Variants in NAV3 observed in about 807,000 individuals in gnomAD.
The protein encoded by NAV3 is neuron navigator 3.
Under a neutral mutation model 244.7 loss-of-function variants are expected in NAV3, and 87 were observed. That is an observed-to-expected ratio of 0.36 (90% CI 0.30 to 0.42). The LOEUF is 0.42. NAV3 is among the 20% of genes least tolerant of loss of function. The pLI is 1.00. For synonymous variants in NAV3, 1,126 were observed against 1,042.2 expected (o/e 1.08, Z -1.55); for missense variants, 2,663 against 2,893.3 (o/e 0.92, Z 1.83).
At chr12:77,666,140 A>C (rs1251218742) in intron 2 of NAV3, among the ~76,000 whole-genome samples, 1 of 150,186 alleles carries the variant, frequency 6.7e-6, no homozygotes, top group Non-Finnish European at 1.5e-5. Flanking sequence ...ATACTCATGT[A>C]GACATACCCT....
intron 1 of NAV3, among the ~76,000 whole-genome samples, chr12:77,880,793 A>G (rs1382714423): frequency 6.6e-6 from 1 of 152,144 alleles, no homozygotes; most frequent in Non-Finnish European, 1.5e-5. Context: ...CATAAGAACG[A>G]TAGCACATGT....
chr12:77,939,912 A>G (rs1009381836), intron 1 of NAV3, among the ~76,000 whole-genome samples: 1 of 152,208 alleles, frequency 6.6e-6, no homozygotes, highest in Non-Finnish European at 1.5e-5. Flanking sequence ...TCTCAGAGAA[A>G]CACAATTTTT....
At chr12:78,206,814 T>TA (rs973514453) in intron 39 of NAV3, among the ~76,000 whole-genome samples, 11 of 150,662 alleles carry the variant, frequency 7.3e-5, no homozygotes, top group African/African-American at 2.2e-4. Flanking sequence ...TCTCTGGTTT[T>TA]AAAAAAATAA....
Position 78,175,340 on chromosome 12 carries a change from T to C in NAV3, c.5016T>C (p.Ser1672=), listed in dbSNP as rs2139648288. Residue 1672 remains serine (S), a synonymous_variant, in exon 25 of 40, where the codon AGT becomes AGC. Coordinates refer to ENST00000397909, the MANE Select transcript of NAV3 (RefSeq NM_001024383.2). ...LRIRRQHSSE[S]VSSINSATSH... ...TCAGAAGACAGCATTCCTCTGAAAG[T>C]GTTTCTAGTATCAACAGTGCCACAA... 1 of 1,611,614 alleles carries C rather than the reference T, an allele frequency of 6.2e-7. No individual in the cohort carries two copies. The highest frequency in any genetic ancestry group is 8.5e-7 in the Non-Finnish European group (1 of 1,178,338).
At chr12:77,954,950 G>A (rs901770228) in intron 3 of NAV3, among the ~76,000 whole-genome samples, 1 of 152,018 alleles carries the variant, frequency 6.6e-6, no homozygotes. Flanking sequence ...TAAAGCACAC[G>A]TTTAGATCTC....
At chr12:78,110,511 C>T (rs300428) in intron 12 of NAV3, among the ~76,000 whole-genome samples, 1 of 151,932 alleles carries the variant, frequency 6.6e-6, no homozygotes, top group African/African-American at 2.4e-5. Context: ...CTGGTCCTGA[C>T]TTAATCACTA....
intron 2 of NAV3, among the ~76,000 whole-genome samples, chr12:77,732,642 A>G (rs1047607596): frequency 2.0e-5 from 3 of 152,088 alleles, no homozygotes; most frequent in Admixed American, 6.6e-5. Flanking sequence ...TGCGTGGCAC[A>G]AATTGTTTTC....
chr12:77,760,121 C>T (rs1218965247), intron 2 of NAV3, among the ~76,000 whole-genome samples: 1 of 152,324 alleles, frequency 6.6e-6, no homozygotes, highest in East Asian at 1.9e-4. Context: ...TTTTGAATCT[C>T]ATTTTGAACC....
intron 4 of NAV3, among the ~76,000 whole-genome samples, chr12:77,966,771 A>C (rs1298397044): frequency 6.6e-6 from 1 of 152,112 alleles, no homozygotes; most frequent in Non-Finnish European, 1.5e-5. Context: ...TTAAATAATT[A>C]GAACTAACAG....
intron 2 of NAV3, among the ~76,000 whole-genome samples, chr12:77,655,386 C>A (rs183212974): frequency 6.6e-6 from 1 of 151,860 alleles, no homozygotes; most frequent in Non-Finnish European, 1.5e-5. Context: ...TGAAGTGAAG[C>A]GAGAAGGGAA....
chr12:77,628,346 G>A lies in NAV3; in HGVS notation c.72+56080G>A, dbSNP rs1233823236. ...GAAAGAGATGGTTTCAGAAGCAAGA[G>A]GCTTCAATAACCCATGAACTAAAGA... is the stretch of plus-strand genomic sequence containing the variant. On this transcript the variant is annotated intron_variant, in intron 2 of 8. Coordinates refer to the NAV3 transcript ENST00000550042. 2.0e-5 allele frequency among the ~76,000 whole-genome samples: 3 copies of A among 152,006 alleles called. No individual in the cohort carries two copies. In the East Asian group the frequency reaches 5.8e-4, roughly 29 times the overall value.
At chr12:78,168,632 A>G in intron 23 of NAV3, 123 bp from the exon 24 acceptor site, 1 of 597,766 alleles carries the variant, frequency 1.7e-6, no homozygotes, top group South Asian at 2.2e-5. Context: ...AGTTCAGCTA[A>G]GCATCCAAAT....
chr12:78,036,583 A>G (rs1034883307), intron 9 of NAV3: 2 of 279,240 alleles, frequency 7.2e-6, no homozygotes, highest in Non-Finnish European at 1.4e-5. Flanking sequence ...GGCTTCCTGG[A>G]CTACTTTTCA....
chr12:77,895,955 TAAA>T (rs755975061), intron 1 of NAV3, among the ~76,000 whole-genome samples: 13,648 of 104,412 alleles, frequency 0.13, 648 homozygotes, highest in Non-Finnish European at 0.15. Flanking sequence ...CAATTTCCAG[TAAA>T]AAAAAAAAAA....
At chr12:78,177,777 C>A in intron 28 of NAV3, 92 bp downstream of exon 28, 1 of 1,113,414 alleles carries the variant, frequency 9.0e-7, no homozygotes, top group Non-Finnish European at 1.3e-6. Flanking sequence ...CACTCACATG[C>A]ATTTCAACAA....
intron 2 of NAV3, among the ~76,000 whole-genome samples, chr12:77,807,736 T>G (rs572826017): frequency 6.6e-6 from 1 of 152,356 alleles, no homozygotes; most frequent in East Asian, 1.9e-4. Context: ...CTTGCTAGGT[T>G]GGGGAAGTTC....
intron 2 of NAV3, among the ~76,000 whole-genome samples, chr12:77,601,761 G>A (rs1250409884): frequency 1.3e-5 from 2 of 151,922 alleles, no homozygotes; most frequent in South Asian, 4.1e-4. Flanking sequence ...GTGTCTTGAG[G>A]GGCATTGCTT....
At chr12:78,136,599 C>T (rs1234867816) in intron 18 of NAV3, among the ~76,000 whole-genome samples, 1 of 151,938 alleles carries the variant, frequency 6.6e-6, no homozygotes, top group East Asian at 1.9e-4. Flanking sequence ...CTGCAGATAC[C>T]ATGTATGTTA....
chr12:78,208,716 T>G (rs998259170), intron 39 of NAV3, among the ~76,000 whole-genome samples: 1 of 152,226 alleles, frequency 6.6e-6, no homozygotes, highest in Non-Finnish European at 1.5e-5. Flanking sequence ...GTGAAACTTT[T>G]ACAACATCCA....
Sources: gnomAD v4.1 joint callset for allele counts (sites outside exome capture counted in the v4.1 genomes callset) on GRCh38, gnomAD v4.1.1 for gene constraint, MANE v1.5 for transcripts, NCBI Gene and HGNC (gene_info 2026-07-23, HGNC 2026-07-21) for gene names.